Variants in LRRTM4 observed in about 807,000 individuals in gnomAD.
The protein encoded by LRRTM4 is leucine-rich repeat transmembrane neuronal protein 4.
A neutral mutation model predicts 47.6 loss-of-function variants in LRRTM4; 25 were observed. The observed-to-expected ratio is 0.53, with a 90% confidence interval of 0.38 to 0.73. LRRTM4 has a LOEUF of 0.73. LRRTM4 is among the 30% of genes least tolerant of loss of function. The probability of loss-of-function intolerance (pLI) is 0.00; values close to 1 mark genes in which losing one functional copy is unlikely to be tolerated. For missense variants in LRRTM4, 638 were observed against 713.4 expected (o/e 0.89, Z 1.20); for synonymous variants, 311 against 269.5 (o/e 1.15, Z -1.51).
At chr2:77,088,752 GA>G (rs1680817611) in intron 3 of LRRTM4, among the ~76,000 whole-genome samples, 1 of 152,130 alleles carries the variant, frequency 6.6e-6, no homozygotes, top group Non-Finnish European at 1.5e-5. Context: ...TGCTCCTTGA[GA>G]AAGATCCACC....
chr2:77,511,340 A>C (rs560912920), intron 3 of LRRTM4, among the ~76,000 whole-genome samples: 1 of 152,160 alleles, frequency 6.6e-6, no homozygotes, highest in African/African-American at 2.4e-5. Flanking sequence ...AGTATTTTAG[A>C]AATATTTATA....
At chr2:77,048,045 ATC>A (rs1679292450) in intron 3 of LRRTM4, among the ~76,000 whole-genome samples, 1 of 152,086 alleles carries the variant, frequency 6.6e-6, no homozygotes, top group Admixed American at 6.6e-5. Context: ...TACAAAACAT[ATC>A]TCTCGATTAT....
At chr2:77,106,725 C>T (rs1375483652) in intron 3 of LRRTM4, among the ~76,000 whole-genome samples, 2 of 151,610 alleles carry the variant, frequency 1.3e-5, no homozygotes, top group East Asian at 1.9e-4. Context: ...TAACAAAATA[C>T]GTATCTATAA....
chr2:77,255,097 A>T (rs1675727161), intron 3 of LRRTM4, among the ~76,000 whole-genome samples: 1 of 151,976 alleles, frequency 6.6e-6, no homozygotes, highest in African/African-American at 2.4e-5. Flanking sequence ...TATATAAAGA[A>T]TATGTGCATA....
chr2:77,045,482 T>G (rs1679203143), intron 3 of LRRTM4, among the ~76,000 whole-genome samples: 1 of 151,900 alleles, frequency 6.6e-6, no homozygotes, highest in Non-Finnish European at 1.5e-5. Flanking sequence ...TTTAATTCGG[T>G]TAGGCTGTGT....
intron 3 of LRRTM4, among the ~76,000 whole-genome samples, chr2:77,207,349 GTA>G (rs1553409290): frequency 0.01 from 1,263 of 120,800 alleles, 10 homozygotes; most frequent in Non-Finnish European, 0.013. Context: ...TCATATATGT[GTA>G]TATATATATA....
At chr2:77,458,065 C>T (rs1324309132) in intron 3 of LRRTM4, among the ~76,000 whole-genome samples, 2 of 152,102 alleles carry the variant, frequency 1.3e-5, no homozygotes, top group African/African-American at 4.8e-5. Context: ...GGTTTGAATC[C>T]GTAGACTGAC....
chr2:77,280,818 C>G (rs1262969133), intron 3 of LRRTM4, among the ~76,000 whole-genome samples: 1 of 151,840 alleles, frequency 6.6e-6, no homozygotes, highest in Non-Finnish European at 1.5e-5. Context: ...TTTGATTTTT[C>G]AAATTATTTA....
intron 3 of LRRTM4, among the ~76,000 whole-genome samples, chr2:76,954,314 A>G (rs1015656503): frequency 9.9e-5 from 15 of 152,012 alleles, no homozygotes; most frequent in African/African-American, 3.6e-4. Flanking sequence ...TCAGAAAACA[A>G]TGCATGAACA....
chr2:76,844,702 G>C (rs1195277855), intron 3 of LRRTM4, among the ~76,000 whole-genome samples: 2 of 152,076 alleles, frequency 1.3e-5, no homozygotes, highest in African/African-American at 2.4e-5. Flanking sequence ...TGACAATTAT[G>C]TCTGTTAATC....
At chr2:76,803,757 T>G (rs560666663) in intron 3 of LRRTM4, among the ~76,000 whole-genome samples, 1 of 152,304 alleles carries the variant, frequency 6.6e-6, no homozygotes, top group African/African-American at 2.4e-5. Flanking sequence ...ATCTGGGAAC[T>G]TGGATATTGT....
chr2:77,258,121 GA>G (rs59372252), intron 3 of LRRTM4, among the ~76,000 whole-genome samples: 18,360 of 133,906 alleles, frequency 0.14, 3,767 homozygotes, highest in African/African-American at 0.44. Flanking sequence ...AAGAAAAAAA[GA>G]AAAAAAAAAA....
chr2:77,206,421 G>A (rs1266779560), intron 3 of LRRTM4, among the ~76,000 whole-genome samples: 1 of 151,874 alleles, frequency 6.6e-6, no homozygotes, highest in African/African-American at 2.4e-5. Context: ...CTGACCTCAA[G>A]TGATCCACCC....
At chr2:76,785,116 C>A (rs536555938) in intron 3 of LRRTM4, among the ~76,000 whole-genome samples, 86 of 152,046 alleles carry the variant, frequency 5.7e-4, no homozygotes, top group Non-Finnish European at 1.0e-3. Flanking sequence ...CTTGCTACAC[C>A]GATCTTGAAG....
chr2:77,202,334 T>C (rs1449240084), intron 3 of LRRTM4, among the ~76,000 whole-genome samples: 1 of 152,112 alleles, frequency 6.6e-6, no homozygotes, highest in Non-Finnish European at 1.5e-5. Context: ...GACACATCAA[T>C]CCGGAGTTTA....
chr2:76,831,908 C>A (rs1474920638), intron 3 of LRRTM4, among the ~76,000 whole-genome samples: 5 of 151,976 alleles, frequency 3.3e-5, no homozygotes, highest in African/African-American at 4.8e-5. Flanking sequence ...CCCACATACC[C>A]TTTTGGGGTT....
chr2:76,953,508 A>T (rs1415502301), intron 3 of LRRTM4, among the ~76,000 whole-genome samples: 4 of 151,906 alleles, frequency 2.6e-5, no homozygotes, highest in Non-Finnish European at 5.9e-5. Flanking sequence ...CTTGTGAGGG[A>T]AAGAGAAGAG....
At chr2:76,859,656 C>T (rs1032877045) in intron 3 of LRRTM4, among the ~76,000 whole-genome samples, 9 of 152,076 alleles carry the variant, frequency 5.9e-5, no homozygotes, top group Non-Finnish European at 1.3e-4. Context: ...CATGGACAAT[C>T]GTATACTCCA....
intron 3 of LRRTM4, among the ~76,000 whole-genome samples, chr2:77,404,267 A>T (rs2103842969): frequency 6.6e-6 from 1 of 152,124 alleles, no homozygotes. Flanking sequence ...ATTTGCAATT[A>T]TTGTAATTGT....
Sources: gnomAD v4.1 joint callset for allele counts (sites outside exome capture counted in the v4.1 genomes callset) on GRCh38, gnomAD v4.1.1 for gene constraint, MANE v1.5 for transcripts, NCBI Gene and HGNC (gene_info 2026-07-23, HGNC 2026-07-21) for gene names.